Variants in DNAH7 observed in about 807,000 individuals in gnomAD.
The protein encoded by DNAH7 is axonemal beta dynein heavy chain 7.
A neutral mutation model predicts 444.6 loss-of-function variants in DNAH7; 397 were observed. The ratio of observed to expected loss-of-function variants is 0.89; its 90% CI spans 0.82 to 0.97. The LOEUF is 0.97. DNAH7 is among the 50% of genes least tolerant of loss of function. The probability of loss-of-function intolerance (pLI) is 0.00; values close to 1 mark genes in which losing one functional copy is unlikely to be tolerated. For synonymous variants in DNAH7, 1,636 were observed against 1,624.4 expected, an observed-to-expected ratio of 1.01 and a Z score of -0.17; for missense variants, 4,902 against 4,800.8, an observed-to-expected ratio of 1.02 and a Z score of -0.62.
intron 28 of DNAH7, 151 bp from the exon 29 acceptor site, chr2:195,897,916 T>G (rs1702426105): frequency 4.4e-6 from 2 of 459,206 alleles, no homozygotes; most frequent in East Asian, 6.6e-5. Flanking sequence ...GTTATGAATT[T>G]TAGAAACTGA....
chr2:196,024,395 TAATC>T (rs779147279), intron 8 of DNAH7, 30 bp downstream of exon 8: 1 of 1,436,588 alleles, frequency 7.0e-7, no homozygotes, highest in South Asian at 1.4e-5. Context: ...AATGGTCACA[TAATC>T]AACATTCTTA....
Position 195,871,965 on chromosome 2 carries a change from A to C in DNAH7, c.6633+285T>G, listed in dbSNP as rs867005678. On this transcript the variant is annotated intron_variant, in intron 40 of 64. Transcript: ENST00000312428. ...AAAAAAAAAAAAAAAAAAAAAAAAA[A>C]AAAACTACTTAAGGGAAACTGGTTC... Among the ~76,000 whole-genome samples, 6 of 81,760 alleles carry C rather than the reference A, an allele frequency of 7.3e-5. 2 individuals are homozygous for C. In the African/African-American group the frequency reaches 7.9e-4, roughly 11 times the overall value. The allele number at this position is 81,760 out of a possible 152,430, so 53.6% of individuals were successfully genotyped here. A position where few individuals can be genotyped will look rare whatever the true frequency, so the allele number is the denominator to read the frequency against.
rs1032381006 is a variant in DNAH7 at position 195,888,540 on chromosome 2, G to T, written c.5230-106C>A. 599 of 1,170,416 alleles carry T rather than the reference G, an allele frequency of 5.1e-4. 5 individuals carry two copies. Among genetic ancestry groups the T allele is most frequent in the Non-Finnish European group, 5.3e-4 (448 of 850,762 alleles). 72.5% of individuals were successfully genotyped at this position (1,170,416 alleles called of 1,614,324 possible). A position where few individuals can be genotyped will look rare whatever the true frequency, so the allele number is the denominator to read the frequency against. On this transcript the variant is annotated intron_variant, in intron 32 of 64. Transcript: ENST00000312428. Reference sequence around the variant, plus strand: ...CCTTCAGCAAAGTCTTGGGCGGGGGGAAGCTTAATATTATATAATTTCATG... The same window carrying T: ...CCTTCAGCAAAGTCTTGGGCGGGGGTAAGCTTAATATTATATAATTTCATG...
chr2:196,064,238 C>A (rs1296449353), intron 1 of DNAH7, among the ~76,000 whole-genome samples: 1 of 151,850 alleles, frequency 6.6e-6, no homozygotes, highest in Admixed American at 6.6e-5. Context: ...TGGCGTGAAC[C>A]TTGGGAGGTG....
At chr2:195,943,439 A>T (rs1689599033) in intron 19 of DNAH7, among the ~76,000 whole-genome samples, 1 of 152,170 alleles carries the variant, frequency 6.6e-6, no homozygotes, top group Admixed American at 6.6e-5. Flanking sequence ...TCAATGAATG[A>T]CAGTATTGGC....
intron 24 of DNAH7, among the ~76,000 whole-genome samples, chr2:195,912,694 C>T (rs549280455): frequency 5.9e-5 from 9 of 152,330 alleles, no homozygotes; most frequent in African/African-American, 1.7e-4. Flanking sequence ...TGTGCCATCA[C>T]CAAGACATCA....
chr2:195,956,552 G>C (rs941949612), intron 19 of DNAH7, among the ~76,000 whole-genome samples: 8 of 152,004 alleles, frequency 5.3e-5, no homozygotes, highest in Non-Finnish European at 1.5e-5. Flanking sequence ...TTGGGAGGCT[G>C]AGGCGGGAGA....
chr2:196,008,188 A>G (rs1229340627), intron 10 of DNAH7, among the ~76,000 whole-genome samples: 3 of 152,116 alleles, frequency 2.0e-5, no homozygotes, highest in Non-Finnish European at 2.9e-5. Flanking sequence ...AAAGATAGTC[A>G]ACATCATTGG....
At chr2:196,007,397 T>C (rs1694441815) in intron 10 of DNAH7, among the ~76,000 whole-genome samples, 1 of 152,174 alleles carries the variant, frequency 6.6e-6, no homozygotes, top group Non-Finnish European at 1.5e-5. Flanking sequence ...GGCTCCTACC[T>C]CAGACCATGT....
intron 54 of DNAH7, among the ~76,000 whole-genome samples, chr2:195,806,467 G>A (rs17527292): frequency 0.12 from 18,104 of 152,150 alleles, 1,415 homozygotes; most frequent in Middle Eastern, 0.26. Context: ...TGTAAAGGGA[G>A]TAGATTGTGA....
At chr2:195,915,192 A>C (rs1687598580) in intron 24 of DNAH7, among the ~76,000 whole-genome samples, 1 of 152,198 alleles carries the variant, frequency 6.6e-6, no homozygotes, top group Admixed American at 6.5e-5. Flanking sequence ...GTGCTATGAC[A>C]GAAGAAGATA....
intron 60 of DNAH7, among the ~76,000 whole-genome samples, chr2:195,775,090 T>G (rs561837039): frequency 9.8e-5 from 15 of 152,338 alleles, no homozygotes; most frequent in African/African-American, 3.6e-4. Flanking sequence ...CTCCAAGCTC[T>G]GTAGTTCTGG....
chr2:195,898,753 A>G (rs781072108), intron 28 of DNAH7, among the ~76,000 whole-genome samples: 1 of 152,200 alleles, frequency 6.6e-6, no homozygotes, highest in African/African-American at 2.4e-5. Context: ...GCACTAAGTT[A>G]GTTTAATAAA....
At chr2:195,942,799 A>T (rs1410121477) in intron 19 of DNAH7, among the ~76,000 whole-genome samples, 1 of 152,128 alleles carries the variant, frequency 6.6e-6, no homozygotes, top group Non-Finnish European at 1.5e-5. Context: ...CATGTACTCT[A>T]CCTATGAGAG....
At chr2:195,924,595 A>C (rs996322998) in intron 22 of DNAH7, among the ~76,000 whole-genome samples, 1 of 143,140 alleles carries the variant, frequency 7.0e-6, no homozygotes, top group Non-Finnish European at 1.5e-5. Context: ...CTCCATCACA[A>C]AAAAAAAAAA....
chr2:196,021,944 T>C (rs960927484), intron 8 of DNAH7, among the ~76,000 whole-genome samples: 1 of 152,086 alleles, frequency 6.6e-6, no homozygotes, highest in South Asian at 2.1e-4. Flanking sequence ...CTGGCCAACA[T>C]GGTTAAACCC....
intron 52 of DNAH7, among the ~76,000 whole-genome samples, chr2:195,809,337 C>T (rs2124856227): frequency 6.6e-6 from 1 of 152,244 alleles, no homozygotes; most frequent in South Asian, 2.1e-4. Flanking sequence ...TCAACCAATA[C>T]ATCACCATAT....
At chr2:195,856,216 C>T (rs984859615) in intron 44 of DNAH7, among the ~76,000 whole-genome samples, 2 of 152,076 alleles carry the variant, frequency 1.3e-5, no homozygotes, top group African/African-American at 4.8e-5. Context: ...ATACAAAAAA[C>T]ATTTTGCCAG....
chr2:195,811,387 G>A (rs1276012004), intron 51 of DNAH7, among the ~76,000 whole-genome samples: 1 of 152,170 alleles, frequency 6.6e-6, no homozygotes, highest in East Asian at 1.9e-4. Flanking sequence ...CAGGGTCTCT[G>A]TCATCAAAGC....
Sources: allele counts gnomAD v4.1 joint callset (sites outside exome capture counted in the v4.1 genomes callset), GRCh38; gene constraint gnomAD v4.1.1; transcripts MANE v1.5; gene names NCBI Gene and HGNC (gene_info 2026-07-23, HGNC 2026-07-21).